The following ATAD2 variants were observed in gnomAD, a reference collection of about 807,000 sequenced individuals.
ATAD2 encodes ATPase family AAA domain-containing protein 2.
A neutral mutation model predicts 168.9 loss-of-function variants in ATAD2; 62 were observed. That is an observed-to-expected ratio of 0.37 (90% confidence interval 0.30 to 0.45). The LOEUF (loss-of-function observed/expected upper bound fraction) is 0.45, where lower values mean the gene tolerates loss of function less well. Ranked by LOEUF, ATAD2 falls within the 20% of genes least tolerant of loss-of-function variation. ATAD2 has a pLI of 1.00. For missense variants in ATAD2, 1,419 were observed against 1,667.8 expected, an observed-to-expected ratio of 0.85 and a Z score of 2.60; for synonymous variants, 613 against 571.6, an observed-to-expected ratio of 1.07 and a Z score of -1.03.
chr8:123,359,130 T>C lies in ATAD2; in HGVS notation c.1382+91A>G, dbSNP rs1828734684. On this transcript the variant is annotated intron_variant, in intron 11 of 27. Transcript: ENST00000287394. ...TGAAAAGGGAAAAGGGAACTATCAC[T>C]TAAAAATGGGTTAATAAGCAAGGTA... The C allele has an allele frequency of 3.6e-6, 3 of 829,928 alleles. No homozygotes were observed. In the Admixed American group the frequency reaches 8.1e-5, roughly 22 times the overall value. The allele number at this position is 829,928 out of a possible 1,614,324, so 51.4% of individuals were successfully genotyped here. A position where few individuals can be genotyped will look rare whatever the true frequency, so the allele number is the denominator to read the frequency against.
chr8:123,363,359 G>C (rs773676811), intron 8 of ATAD2, among the ~76,000 whole-genome samples: 1 of 152,142 alleles, frequency 6.6e-6, no homozygotes, highest in Non-Finnish European at 1.5e-5. Flanking sequence ...TGACCACACA[G>C]TGCTGGCTTG....
chr8:123,410,960 C>T (rs1270312048), intron 1 of ATAD2, among the ~76,000 whole-genome samples: 1 of 152,226 alleles, frequency 6.6e-6, no homozygotes, highest in Non-Finnish European at 1.5e-5. Flanking sequence ...TCACTGGGTT[C>T]CACGGTTCTC....
At chr8:123,414,663 G>A (rs922258205) in intron 1 of ATAD2, among the ~76,000 whole-genome samples, 5 of 152,154 alleles carry the variant, frequency 3.3e-5, no homozygotes, top group African/African-American at 9.7e-5. Context: ...AAGGCATAAC[G>A]ATAACACATA....
intron 20 of ATAD2, 89 bp from the exon 21 acceptor site, chr8:123,337,910 G>T: frequency 8.0e-7 from 1 of 1,256,292 alleles, no homozygotes; most frequent in East Asian, 2.5e-5. Context: ...AGGATTTGAG[G>T]GATTATCTTC....
In ATAD2 at chr8:123,402,165, A is replaced by G. The variant is rs1434116438; in HGVS notation, c.-2281-990T>C. 1.4e-6 allele frequency: 1 copy of G among 689,736 alleles called. No homozygotes were observed. The highest frequency in any genetic ancestry group is 1.8e-5 in the African/African-American group (1 of 57,004). The allele number at this position is 689,736 out of a possible 1,614,324, so 42.7% of individuals were successfully genotyped here. A position where few individuals can be genotyped will look rare whatever the true frequency, so the allele number is the denominator to read the frequency against. ...CACCCCCCAGTGTCCACCTTCGGGC[A>G]TAGCCTCCCTCCATCACTGAGTGGT... On this transcript the variant is annotated intron_variant, in intron 1 of 28. Transcript: ENST00000521903. The surrounding 1 kb of genome is among the most constrained non-coding windows in gnomAD (Gnocchi z 4.8).
rs914125118 is a variant in ATAD2 at position 123,402,875 on chromosome 8, C to G, written c.-2281-1700G>C. Among the ~76,000 whole-genome samples, 1 of 152,114 alleles carries G rather than the reference C, an allele frequency of 6.6e-6. No individual in the cohort carries two copies. Among genetic ancestry groups the G allele is most frequent in the Non-Finnish European group, 1.5e-5 (1 of 68,030 alleles). On this transcript the variant is annotated intron_variant, in intron 1 of 28. Coordinates refer to the ATAD2 transcript ENST00000521903. The surrounding 1 kb of genome is among the most constrained non-coding windows in gnomAD (Gnocchi z 4.8). ...AACACACTACACACAGCTTCAGGTGCCTCCTCTAAAGATCCTGATTTCATG... is the reference window on the plus strand; with the variant it reads ...AACACACTACACACAGCTTCAGGTGGCTCCTCTAAAGATCCTGATTTCATG...
chr8:123,376,447 A>T (rs1392695570), intron 2 of ATAD2, among the ~76,000 whole-genome samples: 1 of 151,952 alleles, frequency 6.6e-6, no homozygotes, highest in African/African-American at 2.4e-5. Context: ...CTGTAATCCC[A>T]GCTACTCAGG....
intron 1 of ATAD2, among the ~76,000 whole-genome samples, chr8:123,412,678 C>T (rs1020746056): frequency 1.3e-4 from 20 of 152,232 alleles, no homozygotes; most frequent in African/African-American, 2.9e-4. Context: ...GCGATCCTCC[C>T]GCCTTGGTCT....
At chr8:123,341,046 G>A (rs7014434) in intron 19 of ATAD2, among the ~76,000 whole-genome samples, 1,762 of 151,774 alleles carry the variant, frequency 0.012, 20 homozygotes, top group Non-Finnish European at 0.018. Flanking sequence ...AGATTCAAGC[G>A]GTTCTCCCAC....
At chr8:123,371,863 T>C (rs369172197) in intron 3 of ATAD2, 28 bp from the exon 4 acceptor site, 37 of 1,502,644 alleles carry the variant, frequency 2.5e-5, no homozygotes, top group Middle Eastern at 3.5e-4. Flanking sequence ...TAAAAATAAA[T>C]AGAAACATTT....
Position 123,328,596 on chromosome 8 carries a change from GA to G in ATAD2, c.3479-18del. On this transcript the variant is annotated intron_variant, in intron 24 of 27. Transcript: ENST00000287394. ...TCAACTGAGCTTCAAGAAATTTAAA[GA>G]AAAATGATGAAAGAACATTCAACCA... The G allele has an allele frequency of 6.7e-7, 1 of 1,488,368 alleles. No individual in the cohort carries two copies. Among genetic ancestry groups the G allele is most frequent in the Non-Finnish European group, 8.9e-7 (1 of 1,121,046 alleles). 92.2% of individuals were successfully genotyped at this position (1,488,368 alleles called of 1,614,324 possible).
chr8:123,374,934 C>T (rs749977296), intron 2 of ATAD2, among the ~76,000 whole-genome samples: 4 of 152,076 alleles, frequency 2.6e-5, no homozygotes, highest in Non-Finnish European at 4.4e-5. Context: ...GACACAGTTA[C>T]TCATATCTTT....
intron 11 of ATAD2, among the ~76,000 whole-genome samples, 178 bp downstream of exon 11, chr8:123,359,043 T>G (rs1368568571): frequency 6.6e-6 from 1 of 152,136 alleles, no homozygotes; most frequent in Non-Finnish European, 1.5e-5. Context: ...GCTTACTAAT[T>G]TTTAAAAGTT....
intron 2 of ATAD2, among the ~76,000 whole-genome samples, chr8:123,378,727 C>CAAAAAAAAAAAAAAAAAAAAAAAAAA (rs1554646643): frequency 4.4e-5 from 4 of 91,028 alleles, no homozygotes; most frequent in African/African-American, 1.6e-4. Flanking sequence ...AAAAAAAAAT[C>CAAAAAAAAAAAAAAAAAAAAAAAAAA]AAAATTCCAT....
chr8:123,366,459 C>T (rs776353670), intron 8 of ATAD2, among the ~76,000 whole-genome samples: 2 of 152,194 alleles, frequency 1.3e-5, no homozygotes, highest in Non-Finnish European at 2.9e-5. Context: ...GATACTTCCA[C>T]ACGTATGTTT....
At chr8:123,412,006 T>C (rs1193131313) in intron 1 of ATAD2, among the ~76,000 whole-genome samples, 1 of 152,210 alleles carries the variant, frequency 6.6e-6, no homozygotes, top group Non-Finnish European at 1.5e-5. Flanking sequence ...GTCAGTGGAA[T>C]GTGAGCAGAG....
chr8:123,326,462 G>A (rs529511405), intron 25 of ATAD2, among the ~76,000 whole-genome samples: 1 of 151,742 alleles, frequency 6.6e-6, no homozygotes, highest in South Asian at 2.1e-4. Context: ...TTGAGTCCAG[G>A]AGTTCAAGAC....
chr8:123,353,157 A>T (rs1215969091), intron 13 of ATAD2, among the ~76,000 whole-genome samples: 1 of 152,164 alleles, frequency 6.6e-6, no homozygotes, highest in East Asian at 1.9e-4. Context: ...TGAGGCCAGG[A>T]GTTCAAGACC....
chr8:123,389,630 G>A lies in ATAD2; in HGVS notation c.171+6557C>T, dbSNP rs192849170. 3.2e-4 allele frequency among the ~76,000 whole-genome samples: 48 copies of A among 150,522 alleles called. No homozygotes were observed. In the East Asian group the frequency reaches 8.1e-3, roughly 25 times the overall value. ...ACTTCAGCCTGGGCGACAGAGCAAG[G>A]CTCCGTCTCAAAAACAAAACAAAAC... is the stretch of plus-strand genomic sequence containing the variant. On this transcript the variant is annotated intron_variant, in intron 1 of 27. Coordinates refer to ENST00000287394, the MANE Select transcript of ATAD2 (RefSeq NM_014109.4).
Sources: gnomAD v4.1 joint callset for allele counts (sites outside exome capture counted in the v4.1 genomes callset) on GRCh38, gnomAD v4.1.1 for gene constraint, Gnocchi (gnomAD v3.1) non-coding constraint, MANE v1.5 for transcripts, NCBI Gene and HGNC (gene_info 2026-07-23, HGNC 2026-07-21) for gene names.